SDF2: variants seen among roughly 807,000 people sequenced by gnomAD.
SDF2 encodes the protein stromal cell derived factor 2, also known as stromal cell-derived factor 2.
SDF2 carries 12 observed loss-of-function variants against 20.5 expected under a neutral mutation model. The observed-to-expected ratio is 0.58, with a 90% CI of 0.37 to 0.95. SDF2 has a LOEUF of 0.95. Ranked by LOEUF, SDF2 falls within the 40% of genes least tolerant of loss-of-function variation. SDF2 has a pLI of 0.01. For missense variants in SDF2, 238 were observed against 263.1 expected, an observed-to-expected ratio of 0.90 and a Z score of 0.66; for synonymous variants, 100 against 101.0, an observed-to-expected ratio of 0.99 and a Z score of 0.06.
At chr17:28,652,075 G>T (rs1282385033) in intron 2 of SDF2, among the ~76,000 whole-genome samples, 1 of 152,076 alleles carries the variant, frequency 6.6e-6, no homozygotes, top group Non-Finnish European at 1.5e-5. Context: ...GAAGGCTGAC[G>T]CAAGAGGACT....
chr17:28,655,564 G>C, intron 1 of SDF2, 81 bp from the exon 2 acceptor site: 1 of 1,257,764 alleles, frequency 8.0e-7, no homozygotes, highest in Non-Finnish European at 1.1e-6. Flanking sequence ...GTGCGCTCAA[G>C]ATTCACCTTC....
Position 28,661,736 on chromosome 17 carries a change from G to A in SDF2, c.141C>T (p.Arg47=). 1.2e-6 allele frequency: 2 copies of A among 1,613,632 alleles called. No individual in the cohort carries two copies. Among genetic ancestry groups the A allele is most frequent in the Non-Finnish European group, 1.7e-6 (2 of 1,179,720 alleles). ...HNVRLHSHDV[R]YGSGSGQQSV... ...GGTCCCCAGCATTACCTGACCCATA[G>A]CGCACGTCGTGTGAGTGCAGTCGGA... The change falls in exon 1 of 3, where the codon CGC becomes CGT. Residue 47 remains arginine (R), a synonymous_variant. Transcript: ENST00000247020.
intron 2 of SDF2, among the ~76,000 whole-genome samples, chr17:28,652,208 G>C (rs2071920311): frequency 6.6e-6 from 1 of 151,624 alleles, no homozygotes; most frequent in South Asian, 2.1e-4. Context: ...GAAAAAGAAA[G>C]CTCATTTAAC....
chr17:28,661,196 G>A, intron 1 of SDF2: 1 of 454,776 alleles, frequency 2.2e-6, no homozygotes, highest in Non-Finnish European at 4.4e-6. Context: ...TGGAAACTGA[G>A]GAGCAAGTGT....
intron 2 of SDF2, among the ~76,000 whole-genome samples, chr17:28,653,592 T>A (rs1415230476): frequency 1.3e-5 from 2 of 152,150 alleles, no homozygotes; most frequent in Admixed American, 1.3e-4. Context: ...GGTGGGTGGA[T>A]CACAAGGTCA....
chr17:28,650,821 A>C lies in SDF2; in HGVS notation c.349-1545T>G, dbSNP rs558210343. 1.5e-4 allele frequency among the ~76,000 whole-genome samples: 22 copies of C among 151,436 alleles called. No homozygotes were observed. In the East Asian group the frequency reaches 3.7e-3, roughly 25 times the overall value. On this transcript the variant is annotated intron_variant, in intron 2 of 2. Transcript: ENST00000247020. ...TTTGTCTCAAAAAAAAAAAAAAAAA[A>C]AAAAAAAAAACAGTTAGGGTATCTT...
chr17:28,656,182 G>A (rs774702839), intron 1 of SDF2: 1 of 152,074 alleles, frequency 6.6e-6, no homozygotes, highest in Non-Finnish European at 1.5e-5. Context: ...ACTGGGCGTG[G>A]TGGCTCACGC....
chr17:28,653,202 A>G (rs2071929271), intron 2 of SDF2, among the ~76,000 whole-genome samples: 1 of 152,234 alleles, frequency 6.6e-6, no homozygotes, highest in Admixed American at 6.5e-5. Context: ...AACAAACACT[A>G]CTTCAGCCAG....
chr17:28,654,614 G>A (rs946700245), intron 2 of SDF2, among the ~76,000 whole-genome samples: 10 of 151,926 alleles, frequency 6.6e-5, no homozygotes, highest in African/African-American at 1.7e-4. Context: ...TCAGGAGTTC[G>A]AGACCAGCCT....
At chr17:28,651,934 T>TG (rs1416779171) in intron 2 of SDF2, among the ~76,000 whole-genome samples, 4 of 152,172 alleles carry the variant, frequency 2.6e-5, no homozygotes, top group African/African-American at 9.7e-5. Flanking sequence ...ATCTTACTGT[T>TG]GGAGTGGGAA....
chr17:28,661,149 G>A (rs1338624862), intron 1 of SDF2: 6 of 443,754 alleles, frequency 1.4e-5, no homozygotes, highest in African/African-American at 2.1e-5. Context: ...TTTCTTACAA[G>A]AAGGAGGTTA....
intron 1 of SDF2, chr17:28,657,936 GC>G (rs1376115661): frequency 6.6e-6 from 1 of 152,218 alleles, no homozygotes; most frequent in African/African-American, 2.4e-5. Flanking sequence ...GATTGCTTGA[GC>G]CCAGGAGGTC....
At chr17:28,655,244 T>C in intron 2 of SDF2, 43 bp downstream of exon 2, 3 of 1,573,260 alleles carry the variant, frequency 1.9e-6, no homozygotes, top group Admixed American at 1.7e-5. Context: ...AAGCACCCAC[T>C]GAGTAATGCA....
intron 1 of SDF2, chr17:28,655,849 A>C: frequency 3.9e-6 from 1 of 253,450 alleles, no homozygotes; most frequent in East Asian, 8.6e-5. Context: ...AACCAGAGAC[A>C]TGGCTAAGCC....
rs566322178 is a variant in SDF2, at chr17:28,657,216, G to A, written c.152-1733C>T. 2.0e-5 allele frequency among the ~76,000 whole-genome samples: 3 copies of A among 152,162 alleles called. No homozygotes were observed. The South Asian group carries it at 6.2e-4, about 32-fold the overall frequency. On this transcript the variant is annotated intron_variant, in intron 1 of 2. Transcript: ENST00000247020. Reference sequence around the variant, plus strand: ...CACTCCAGCCTAGGTGGCAGGGCAAGACTCTGTCTCAAAACAAAAACAAAA... The same window carrying A: ...CACTCCAGCCTAGGTGGCAGGGCAAAACTCTGTCTCAAAACAAAAACAAAA...
At chr17:28,661,603 T>G (rs1196687047) in intron 1 of SDF2, 123 bp downstream of exon 1, 7 of 1,036,404 alleles carry the variant, frequency 6.8e-6, no homozygotes, top group African/African-American at 1.6e-5. Flanking sequence ...TCTCTAGACC[T>G]GAGGAACCTT....
chr17:28,661,868 T>C lies in SDF2; in HGVS notation c.9A>G (p.Val3=). 1 of 1,611,578 alleles carries C rather than the reference T, an allele frequency of 6.2e-7. No homozygotes were observed. Among genetic ancestry groups the C allele is most frequent in the East Asian group, 2.2e-5 (1 of 44,796 alleles). The change falls in exon 1 of 3, where the codon GTA becomes GTG. Residue 3 remains valine (V), a synonymous_variant. Transcript: ENST00000247020. MA[V]VPLLLLGGLW... is the part of the protein sequence containing the mutation. ...AACCCCCCAACAACAGCAGAGGTAC[T>C]ACAGCCATCCTAACTGTATCGCGGA...
chr17:28,654,922 C>T (rs1217821296), intron 2 of SDF2, among the ~76,000 whole-genome samples: 2 of 152,130 alleles, frequency 1.3e-5, no homozygotes, highest in Admixed American at 6.6e-5. Context: ...TGCCATTGCA[C>T]TCCAGCCTGG....
At chr17:28,653,541 G>A (rs1224278513) in intron 2 of SDF2, among the ~76,000 whole-genome samples, 3 of 152,308 alleles carry the variant, frequency 2.0e-5, no homozygotes, top group Middle Eastern at 3.4e-3. Context: ...GACCGGGCAC[G>A]GAGGCCTCAC....
Sources: allele counts gnomAD v4.1 joint callset (sites outside exome capture counted in the v4.1 genomes callset), GRCh38; gene constraint gnomAD v4.1.1; transcripts MANE v1.5; gene names NCBI Gene and HGNC (gene_info 2026-07-23, HGNC 2026-07-21).